Variants in LUZP2 observed in about 807,000 individuals in gnomAD.
The protein encoded by LUZP2 is leucine zipper protein 2.
LUZP2 carries 52 observed loss-of-function variants against 51.6 expected under a neutral mutation model. That is an observed-to-expected ratio of 1.01 (90% confidence interval 0.81 to 1.27). The LOEUF (loss-of-function observed/expected upper bound fraction) is 1.27, where lower values mean the gene tolerates loss of function less well. Ranked by LOEUF, LUZP2 falls within the 50% of genes most tolerant of loss-of-function variation. LUZP2 has a pLI of 0.00. For synonymous variants in LUZP2, 154 were observed against 137.3 expected, an observed-to-expected ratio of 1.12 and a Z score of -0.85; for missense variants, 436 against 395.4, an observed-to-expected ratio of 1.10 and a Z score of -0.87.
At chr11:24,502,016 C>A (rs1389404474) in intron 1 of LUZP2, among the ~76,000 whole-genome samples, 1 of 152,120 alleles carries the variant, frequency 6.6e-6, no homozygotes, top group Non-Finnish European at 1.5e-5. Context: ...TCCTCTCTAT[C>A]CAGTTTTCTG....
intron 9 of LUZP2, among the ~76,000 whole-genome samples, chr11:25,038,655 C>T (rs1857938147): frequency 6.6e-6 from 1 of 152,202 alleles, no homozygotes; most frequent in Admixed American, 6.5e-5. Context: ...TCATTTCAGA[C>T]AATTCAGACT....
At chr11:24,567,323 A>C (rs1852279751) in intron 1 of LUZP2, among the ~76,000 whole-genome samples, 1 of 152,116 alleles carries the variant, frequency 6.6e-6, no homozygotes, top group African/African-American at 2.4e-5. Context: ...ATAGAGAAAA[A>C]TAAACAGAGG....
chr11:24,632,336 A>AT (rs1854926504), intron 1 of LUZP2, among the ~76,000 whole-genome samples: 1 of 151,966 alleles, frequency 6.6e-6, no homozygotes. Context: ...TCCAATATGT[A>AT]TTTTTTACAC....
At chr11:24,756,842 G>A (rs558933883) in intron 4 of LUZP2, among the ~76,000 whole-genome samples, 27 of 152,158 alleles carry the variant, frequency 1.8e-4, no homozygotes, top group Non-Finnish European at 3.7e-4. Flanking sequence ...CCCCTGCTCA[G>A]ACACCAGTCT....
At chr11:24,719,335 T>C (rs1858173638) in intron 1 of LUZP2, among the ~76,000 whole-genome samples, 1 of 152,210 alleles carries the variant, frequency 6.6e-6, no homozygotes, top group African/African-American at 2.4e-5. Context: ...CAAATGTTTA[T>C]CTTTCAGAAA....
chr11:24,821,340 C>T (rs914424657), intron 5 of LUZP2, among the ~76,000 whole-genome samples: 2 of 152,054 alleles, frequency 1.3e-5, no homozygotes, highest in Non-Finnish European at 2.9e-5. Context: ...TGAATGGATG[C>T]GTGTATAAAT....
chr11:25,003,489 G>C (rs1260589122), intron 9 of LUZP2, among the ~76,000 whole-genome samples: 2 of 152,190 alleles, frequency 1.3e-5, no homozygotes, highest in African/African-American at 4.8e-5. Context: ...AGGAATTACT[G>C]CCTCACTGAT....
At chr11:24,536,037 C>A (rs946967942) in intron 1 of LUZP2, among the ~76,000 whole-genome samples, 1 of 151,592 alleles carries the variant, frequency 6.6e-6, no homozygotes, top group African/African-American at 2.4e-5. Context: ...CTTGGGTGAC[C>A]AGGCAGTAAT....
chr11:24,565,680 A>G (rs1465189677), intron 1 of LUZP2, among the ~76,000 whole-genome samples: 1 of 152,198 alleles, frequency 6.6e-6, no homozygotes, highest in Non-Finnish European at 1.5e-5. Flanking sequence ...TAGCTAGAAG[A>G]AGTTTTAATA....
At chr11:24,560,273 G>A (rs1417238101) in intron 1 of LUZP2, among the ~76,000 whole-genome samples, 1 of 152,090 alleles carries the variant, frequency 6.6e-6, no homozygotes, top group African/African-American at 2.4e-5. Flanking sequence ...GTTGCTTGGA[G>A]GTCCAGAGAA....
At chr11:24,860,504 C>T (rs186967300) in intron 5 of LUZP2, among the ~76,000 whole-genome samples, 370 of 152,236 alleles carry the variant, frequency 2.4e-3, no homozygotes, top group African/African-American at 8.2e-3. Context: ...GACCCTCCAA[C>T]AGGGGTTGTC....
chr11:24,763,278 G>A lies in LUZP2; in HGVS notation c.366G>A (p.Lys122=). ...INFLKTEVER[K]SKMIRDLQNE... is the part of the protein sequence containing the mutation. ...TTTTAAAGACTGAAGTTGAAAGAAA[G>A]AGCAAAATGATCCGAGACCTCCAGA... The change falls in exon 5 of 12, where the codon AAG becomes AAA. Residue 122 remains lysine (K), a synonymous_variant. Coordinates refer to ENST00000336930, the MANE Select transcript of LUZP2 (RefSeq NM_001009909.4). 2 of 1,389,694 alleles carry A rather than the reference G, an allele frequency of 1.4e-6. No individual in the cohort carries two copies. The highest frequency in any genetic ancestry group is 1.9e-6 in the Non-Finnish European group (2 of 1,051,256). 86.1% of individuals were successfully genotyped at this position (1,389,694 alleles called of 1,614,324 possible).
intron 1 of LUZP2, among the ~76,000 whole-genome samples, chr11:24,676,112 C>A (rs1856543032): frequency 6.6e-6 from 1 of 152,078 alleles, no homozygotes. Context: ...AGCCACCATG[C>A]CTAGCCTCAC....
chr11:25,012,931 T>C (rs893724432), intron 9 of LUZP2, among the ~76,000 whole-genome samples: 1 of 152,182 alleles, frequency 6.6e-6, no homozygotes, highest in Non-Finnish European at 1.5e-5. Flanking sequence ...CAGATATTTA[T>C]GCAGCACTCT....
intron 9 of LUZP2, among the ~76,000 whole-genome samples, chr11:25,047,053 T>C (rs890818381): frequency 6.6e-6 from 1 of 152,216 alleles, no homozygotes; most frequent in Non-Finnish European, 1.5e-5. Context: ...CTATTTATTC[T>C]GTCATCTGAT....
chr11:24,883,602 C>T (rs1439392494), intron 5 of LUZP2, among the ~76,000 whole-genome samples: 1 of 152,018 alleles, frequency 6.6e-6, no homozygotes, highest in Non-Finnish European at 1.5e-5. Context: ...TTTCTCACTA[C>T]AGTCAATATT....
chr11:24,955,301 T>A (rs368164650), intron 7 of LUZP2, among the ~76,000 whole-genome samples: 1 of 151,812 alleles, frequency 6.6e-6, no homozygotes, highest in Admixed American at 6.6e-5. Flanking sequence ...TTATACTGAG[T>A]GTTAAAAATA....
At chr11:25,025,485 G>T (rs1054311736) in intron 9 of LUZP2, among the ~76,000 whole-genome samples, 3 of 152,130 alleles carry the variant, frequency 2.0e-5, no homozygotes, top group African/African-American at 7.2e-5. Context: ...ATTGGGCAAA[G>T]GATATGAACA....
At chr11:24,927,752 AT>A (rs1422558877) in intron 7 of LUZP2, among the ~76,000 whole-genome samples, 2 of 151,426 alleles carry the variant, frequency 1.3e-5, no homozygotes, top group African/African-American at 4.8e-5. Flanking sequence ...AATTTTAGAA[AT>A]TTTTTTCTAC....
Sources: gnomAD v4.1 joint callset for allele counts (sites outside exome capture counted in the v4.1 genomes callset) on GRCh38, gnomAD v4.1.1 for gene constraint, MANE v1.5 for transcripts, NCBI Gene and HGNC (gene_info 2026-07-23, HGNC 2026-07-21) for gene names.